RNF217: variants seen among roughly 807,000 people sequenced by gnomAD.
RNF217 encodes E3 ubiquitin-protein ligase RNF217.
A neutral mutation model predicts 57.8 loss-of-function variants in RNF217; 31 were observed. The ratio of observed to expected loss-of-function variants is 0.54; its 90% CI spans 0.40 to 0.72. The LOEUF is 0.72. Ranked by LOEUF, RNF217 falls within the 30% of genes least tolerant of loss-of-function variation. RNF217 has a pLI of 0.00. For missense variants in RNF217, 696 were observed against 708.3 expected, an observed-to-expected ratio of 0.98 and a Z score of 0.20; for synonymous variants, 313 against 294.0, an observed-to-expected ratio of 1.06 and a Z score of -0.66.
intron 3 of RNF217, among the ~76,000 whole-genome samples, chr6:125,069,241 A>G (rs1038606647): frequency 2.6e-5 from 4 of 152,212 alleles, no homozygotes; most frequent in Non-Finnish European, 5.9e-5. Context: ...AAAAGCTAAC[A>G]TTATAGCAAG....
intron 1 of RNF217, among the ~76,000 whole-genome samples, chr6:125,007,526 C>T (rs1261321401): frequency 2.0e-5 from 3 of 152,174 alleles, no homozygotes; most frequent in Non-Finnish European, 4.4e-5. Context: ...GGATTACAGG[C>T]ATGAGCCACT....
intron 1 of RNF217, among the ~76,000 whole-genome samples, chr6:125,011,992 C>T (rs1341913600): frequency 6.6e-6 from 1 of 151,988 alleles, no homozygotes; most frequent in Non-Finnish European, 1.5e-5. Context: ...AATCAAAAGC[C>T]ACTTTCTACT....
intron 1 of RNF217, among the ~76,000 whole-genome samples, chr6:124,984,541 CA>C (rs750251821): frequency 0.33 from 24,240 of 74,096 alleles, 1,847 homozygotes; most frequent in African/African-American, 0.39. Flanking sequence ...GACCCTTTCT[CA>C]AAAAAAAAAA....
intron 3 of RNF217, among the ~76,000 whole-genome samples, chr6:125,059,651 T>C (rs1249736310): frequency 6.6e-6 from 1 of 152,180 alleles, no homozygotes. Context: ...ACAAAATACA[T>C]ACATTTGTTA....
At chr6:124,998,229 C>A (rs1784823389) in intron 1 of RNF217, among the ~76,000 whole-genome samples, 1 of 152,032 alleles carries the variant, frequency 6.6e-6, no homozygotes, top group African/African-American at 2.4e-5. Flanking sequence ...TCATTTTGCC[C>A]CTCTATTCTC....
intron 1 of RNF217, among the ~76,000 whole-genome samples, chr6:125,001,886 A>C (rs1785001058): frequency 6.6e-6 from 1 of 152,030 alleles, no homozygotes; most frequent in African/African-American, 2.4e-5. Context: ...TGTTACTCCC[A>C]TCAATTATTC....
At chr6:125,049,649 TATAAATTACTTAGCACCACATATG>T (rs1787234132) in intron 2 of RNF217, among the ~76,000 whole-genome samples, 1 of 132,338 alleles carries the variant, frequency 7.6e-6, no homozygotes, top group African/African-American at 4.2e-5. Context: ...AAATCACACA[TATAAATTACTTAGCACCACATATG>T]ACACATACTG....
chr6:125,026,297 ACTTT>A (rs1786078019), intron 1 of RNF217, among the ~76,000 whole-genome samples: 1 of 152,132 alleles, frequency 6.6e-6, no homozygotes, highest in Non-Finnish European at 1.5e-5. Context: ...AAGCTTTAGT[ACTTT>A]CTTTCTGGGT....
chr6:125,002,186 C>G (rs1356797477), intron 1 of RNF217, among the ~76,000 whole-genome samples: 1 of 152,102 alleles, frequency 6.6e-6, no homozygotes, highest in Non-Finnish European at 1.5e-5. Context: ...TTGTTAGCTT[C>G]TAAATGAAGT....
At chr6:125,062,945 T>A (rs1262154556) in intron 3 of RNF217, among the ~76,000 whole-genome samples, 1 of 152,224 alleles carries the variant, frequency 6.6e-6, no homozygotes, top group African/African-American at 2.4e-5. Context: ...GTTTTCTATT[T>A]AATGTAAATT....
intron 1 of RNF217, among the ~76,000 whole-genome samples, chr6:125,011,747 A>G (rs759482107): frequency 6.6e-6 from 1 of 152,002 alleles, no homozygotes; most frequent in Non-Finnish European, 1.5e-5. Flanking sequence ...TCTTTCATGG[A>G]ATTTTCCCAT....
chr6:125,066,686 A>G (rs1400435984), intron 3 of RNF217, among the ~76,000 whole-genome samples: 1 of 152,134 alleles, frequency 6.6e-6, no homozygotes, highest in Non-Finnish European at 1.5e-5. Flanking sequence ...ATGGTATTAT[A>G]TTACTTATCA....
chr6:125,045,928 G>C (rs764754932), intron 2 of RNF217, among the ~76,000 whole-genome samples: 6 of 151,942 alleles, frequency 3.9e-5, no homozygotes, highest in Non-Finnish European at 8.8e-5. Context: ...GAGCAAATGT[G>C]ATACAGTCCC....
At chr6:125,077,537 G>A (rs977397739) in intron 4 of RNF217, among the ~76,000 whole-genome samples, 2 of 152,108 alleles carry the variant, frequency 1.3e-5, no homozygotes, top group Middle Eastern at 3.2e-3. Flanking sequence ...ACACAAGTAT[G>A]CAAATAGAAA....
At chr6:125,038,222 T>G (rs1786725791) in intron 1 of RNF217, among the ~76,000 whole-genome samples, 1 of 152,174 alleles carries the variant, frequency 6.6e-6, no homozygotes, top group Non-Finnish European at 1.5e-5. Flanking sequence ...TTCAGTGATA[T>G]AAATAGTTGT....
chr6:124,984,534 C>A (rs1213914338), intron 1 of RNF217, among the ~76,000 whole-genome samples: 1 of 130,836 alleles, frequency 7.6e-6, no homozygotes, highest in Non-Finnish European at 1.6e-5. Flanking sequence ...AGACTGAGAC[C>A]CTTTCTCAAA....
At chr6:125,006,973 A>G (rs1333838977) in intron 1 of RNF217, among the ~76,000 whole-genome samples, 1 of 152,174 alleles carries the variant, frequency 6.6e-6, no homozygotes, top group Non-Finnish European at 1.5e-5. Context: ...AGAATGCATG[A>G]TAGACATCTT....
chr6:125,035,141 A>C (rs1181043110), intron 1 of RNF217, among the ~76,000 whole-genome samples: 5 of 152,216 alleles, frequency 3.3e-5, no homozygotes, highest in Non-Finnish European at 5.9e-5. Context: ...TGTCATCTGC[A>C]AACAGGGACA....
In RNF217 at chr6:125,024,245, G is replaced by A. The variant is rs571594218; in HGVS notation, c.883-20966G>A. Among the ~76,000 whole-genome samples, 21 of 152,220 alleles carry A rather than the reference G, an allele frequency of 1.4e-4. No homozygotes were observed. The South Asian group carries it at 2.1e-3, about 15-fold the overall frequency. On this transcript the variant is annotated intron_variant, in intron 1 of 5. Coordinates refer to ENST00000521654, the MANE Select transcript of RNF217 (RefSeq NM_001286398.3). ...GGAGAGAGGAAGCAGAAGAAAAGTC[G>A]GGAGGGGATATTACTTTGCTTTCTG...
Sources: allele counts gnomAD v4.1 joint callset (sites outside exome capture counted in the v4.1 genomes callset), GRCh38; gene constraint gnomAD v4.1.1; transcripts MANE v1.5; gene names NCBI Gene and HGNC (gene_info 2026-07-23, HGNC 2026-07-21).